FGD5: variants seen among roughly 807,000 people sequenced by gnomAD.
The protein encoded by FGD5 is FYVE, RhoGEF and PH domain containing 5, also known as FYVE, RhoGEF and PH domain-containing protein 5.
In FGD5, 28 loss-of-function variants were observed where a neutral mutation model predicts 133.4. The ratio of observed to expected loss-of-function variants is 0.21; its 90% CI spans 0.16 to 0.29. The LOEUF is 0.29. Among genes scored for constraint, FGD5 ranks in the 10% least tolerant of loss-of-function variants. The pLI is 1.00. For missense variants in FGD5, 1,858 were observed against 1,895.2 expected (o/e 0.98, Z 0.36); for synonymous variants, 810 against 776.5 (o/e 1.04, Z -0.72).
At chr3:14,876,210 A>G (rs985789233) in intron 2 of FGD5, among the ~76,000 whole-genome samples, 1 of 152,154 alleles carries the variant, frequency 6.6e-6, no homozygotes, top group African/African-American at 2.4e-5. Flanking sequence ...TGGCCTCTGT[A>G]ATAATAAAGC....
At chr3:14,897,908 C>T (rs769475201) in intron 5 of FGD5, 31 bp from the exon 6 acceptor site, 7 of 1,613,444 alleles carry the variant, frequency 4.3e-6, no homozygotes, top group Non-Finnish European at 5.1e-6. Flanking sequence ...AGGCTGAGTT[C>T]TCACTGTCCC....
intron 4 of FGD5, among the ~76,000 whole-genome samples, chr3:14,894,327 A>G: frequency 6.6e-6 from 1 of 152,036 alleles, no homozygotes; most frequent in East Asian, 1.9e-4. Flanking sequence ...TTGTGTATAT[A>G]TTGCCACATT....
At chr3:14,871,430 C>G (rs760739974) in intron 2 of FGD5, among the ~76,000 whole-genome samples, 4 of 152,252 alleles carry the variant, frequency 2.6e-5, no homozygotes, top group Non-Finnish European at 4.4e-5. Flanking sequence ...TTGTTTGGCT[C>G]TGTGTAACTT....
At chr3:14,856,613 G>A (rs761271734) in intron 1 of FGD5, among the ~76,000 whole-genome samples, 9 of 151,088 alleles carry the variant, frequency 6.0e-5, no homozygotes, top group Non-Finnish European at 8.9e-5. Context: ...TTCTAGATTG[G>A]GCTTTTCTTG....
chr3:14,896,905 A>G (rs2125131694), intron 4 of FGD5: 1 of 152,396 alleles, frequency 6.6e-6, no homozygotes, highest in East Asian at 1.9e-4. Flanking sequence ...GCCACTCTGC[A>G]TGTCGTCCTG....
Position 14,876,167 on chromosome 3 carries a change from C to A in FGD5, c.2659-4405C>A, listed in dbSNP as rs555438923. ...GACCCTGGGCATACTTGGGGACCAT[C>A]CTGAGGGACAGGCCAAAAGGCCTGG... On this transcript the variant is annotated intron_variant, in intron 2 of 19. Coordinates refer to ENST00000285046, the MANE Select transcript of FGD5 (RefSeq NM_152536.4). Among the ~76,000 whole-genome samples, 3 of 152,262 alleles carry A rather than the reference C, an allele frequency of 2.0e-5. No homozygotes were observed. In the East Asian group the frequency reaches 5.8e-4, roughly 29 times the overall value.
intron 1 of FGD5, among the ~76,000 whole-genome samples, chr3:14,840,843 G>A (rs551641614): frequency 6.6e-6 from 1 of 152,330 alleles, no homozygotes; most frequent in South Asian, 2.1e-4. Context: ...TTACATGGAT[G>A]TGTCCTGTCG....
rs769733621 is a variant in FGD5 at position 14,820,852 on chromosome 3, G to C, written c.1781G>C (p.Ser594Thr). ...SLSCVIGSSGSFSQRNHLPSS... is the reference protein window; with the variant it reads ...SLSCVIGSSGTFSQRNHLPSS... ...TCGTGTGTAATTGGCTCCTCTGGGA[G>C]TTTCTCCCAGAGAAACCACCTTCCG... Residue 594 changes from serine (S) to threonine (T), a missense_variant, in exon 1 of 20, where the codon AGT becomes ACT. Physicochemically the swap from Ser to Thr is moderately conservative, Grantham distance 58 (BLOSUM62 1). Around this residue, in one of 3 missense-constraint regions of FGD5, gnomAD observed 1,824 missense variants for 1,848.9 expected, o/e 0.99. Coordinates refer to ENST00000285046, the MANE Select transcript of FGD5 (RefSeq NM_152536.4). 4 of 1,613,610 alleles carry C rather than the reference G, an allele frequency of 2.5e-6. No individual in the cohort carries two copies. Among genetic ancestry groups the C allele is most frequent in the Non-Finnish European group, 3.4e-6 (4 of 1,179,808 alleles).
chr3:14,865,197 C>A (rs917754606), intron 2 of FGD5, among the ~76,000 whole-genome samples: 1 of 151,796 alleles, frequency 6.6e-6, no homozygotes, highest in Non-Finnish European at 1.5e-5. Flanking sequence ...CCTTCGCCCG[C>A]TTCCCAGCAG....
At chr3:14,872,572 C>G (rs767228489) in intron 2 of FGD5, among the ~76,000 whole-genome samples, 1 of 152,170 alleles carries the variant, frequency 6.6e-6, no homozygotes, top group Non-Finnish European at 1.5e-5. Flanking sequence ...ATAGGAGGAG[C>G]TGTGGATATT....
chr3:14,828,121 AGT>A (rs1242757260), intron 1 of FGD5, among the ~76,000 whole-genome samples: 16 of 151,916 alleles, frequency 1.1e-4, no homozygotes, highest in Non-Finnish European at 1.9e-4. Context: ...GATTGCATGG[AGT>A]GATGTGTGGA....
In FGD5 at chr3:14,842,512, C is replaced by T. The variant is rs1014501610; in HGVS notation, c.2525+20916C>T. Among the ~76,000 whole-genome samples, 9 of 152,354 alleles carry T rather than the reference C, an allele frequency of 5.9e-5. No homozygotes were observed. In the South Asian group the frequency reaches 1.0e-3, roughly 18 times the overall value. Reference sequence around the variant, plus strand: ...TTATTCAGCTTCCCTCTGTTCTCCTCGACATGCCCCTGGCCATGCTTTGCA... The same window carrying T: ...TTATTCAGCTTCCCTCTGTTCTCCTTGACATGCCCCTGGCCATGCTTTGCA... On this transcript the variant is annotated intron_variant, in intron 1 of 19. Coordinates refer to ENST00000285046, the MANE Select transcript of FGD5 (RefSeq NM_152536.4).
intron 7 of FGD5, among the ~76,000 whole-genome samples, chr3:14,900,064 A>G (rs1418487468): frequency 6.6e-6 from 1 of 152,222 alleles, no homozygotes; most frequent in Admixed American, 6.5e-5. Flanking sequence ...CAGGTTCCAC[A>G]CAACACACTC....
chr3:14,901,132 C>T (rs2038231818), intron 9 of FGD5, 71 bp downstream of exon 9: 1 of 1,503,146 alleles, frequency 6.7e-7, no homozygotes, highest in Admixed American at 1.7e-5. Context: ...TCCGGTCAGC[C>T]TTCTGATGCC....
Position 14,819,869 on chromosome 3 carries a change from G to C in FGD5, c.798G>C (p.Glu266Asp), listed in dbSNP as rs1259083869. The change falls in exon 1 of 20, where the codon GAG (glutamate) becomes GAC (aspartate). Residue 266 changes from glutamate (E) to aspartate (D), a missense_variant. Around this residue, in one of 3 missense-constraint regions of FGD5, gnomAD observed 1,824 missense variants for 1,848.9 expected, o/e 0.99. Transcript: ENST00000285046. The surrounding 1 kb of genome is among the most constrained non-coding windows in gnomAD (Gnocchi z 4.1). ...KEELAGVQEA[E>D]TATDCPEVLE... ...AGCTGGCCGGGGTCCAGGAGGCAGA[G>C]ACAGCCACAGACTGCCCTGAAGTTC... The C allele has an allele frequency of 3.1e-6, 5 of 1,613,414 alleles. No homozygotes were observed. Among genetic ancestry groups the C allele is most frequent in the Non-Finnish European group, 4.2e-6 (5 of 1,179,726 alleles).
intron 1 of FGD5, 130 bp from the exon 2 acceptor site, chr3:14,863,998 A>C: frequency 1.5e-5 from 19 of 1,290,910 alleles, no homozygotes; most frequent in Non-Finnish European, 1.5e-5. Context: ...GGGGTGGGGA[A>C]GTAGGAATTT....
Position 14,924,031 on chromosome 3 carries a change from C to T in FGD5, c.3961C>T (p.Pro1321Ser). ...AGAGCGGCCTGTGAGCATGAGCTTCCCGCTGTCTTCACCCCGCTTCTCGGG... is the reference window on the plus strand; with the variant it reads ...AGAGCGGCCTGTGAGCATGAGCTTCTCGCTGTCTTCACCCCGCTTCTCGGG... The part of the protein sequence containing the change: ...MRERPVSMSF[P>S]LSSPRFSGSA... The change falls in exon 17 of 20, where the codon CCG (proline) becomes TCG (serine). Residue 1321 changes from proline to serine, a missense_variant. Pro to Ser is a moderately conservative substitution (Grantham distance 74). Around this residue, in one of 3 missense-constraint regions of FGD5, gnomAD observed 1,824 missense variants for 1,848.9 expected, o/e 0.99. Transcript: ENST00000285046. 1 of 1,614,004 alleles carries T rather than the reference C, an allele frequency of 6.2e-7. No individual in the cohort carries two copies. Among genetic ancestry groups the T allele is most frequent in the Non-Finnish European group, 8.5e-7 (1 of 1,179,902 alleles).
Position 14,885,386 on chromosome 3 carries a change from G to A in FGD5, c.2748+4614G>A, listed in dbSNP as rs2037906003. On this transcript the variant is annotated intron_variant, in intron 4 of 19. Transcript: ENST00000285046. ...AGATGTCGCGGTAGATAACCTCAGT[G>A]CCAGGGAGTGATTGCCTCCAGCAAA... 3.9e-5 allele frequency among the ~76,000 whole-genome samples: 6 copies of A among 152,204 alleles called. No individual in the cohort carries two copies. In the South Asian group the frequency reaches 1.2e-3, roughly 32 times the overall value.
chr3:14,897,223 C>T, intron 4 of FGD5: 1 of 377,180 alleles, frequency 2.7e-6, no homozygotes, highest in South Asian at 4.2e-5. Flanking sequence ...AGAGTGTTCA[C>T]CACGTGGCCA....
Sources: gnomAD v4.1 joint callset for allele counts (sites outside exome capture counted in the v4.1 genomes callset) on GRCh38, gnomAD v4.1.1 for gene constraint, gnomAD v4.1.1 regional missense constraint, Gnocchi (gnomAD v3.1) non-coding constraint, MANE v1.5 for transcripts, NCBI Gene and HGNC (gene_info 2026-07-23, HGNC 2026-07-21) for gene names.